Variants in ELAVL4 observed in about 807,000 individuals in gnomAD.
ELAVL4 encodes the protein ELAV-like protein 4.
In ELAVL4, 1 loss-of-function variant was observed where a neutral mutation model predicts 35.6. The observed-to-expected ratio is 0.03, with a 90% confidence interval of 0.01 to 0.13. The LOEUF is 0.13. Ranked by LOEUF, ELAVL4 falls within the 10% of genes least tolerant of loss-of-function variation. ELAVL4 has a pLI of 1.00. For synonymous variants in ELAVL4, 156 were observed against 171.0 expected (o/e 0.91, Z 0.69); for missense variants, 267 against 464.9 (o/e 0.57, Z 3.91).
intron 2 of ELAVL4, among the ~76,000 whole-genome samples, chr1:50,149,891 A>C (rs1328260805): frequency 1.3e-5 from 2 of 152,134 alleles, no homozygotes; most frequent in Non-Finnish European, 2.9e-5. Flanking sequence ...GAACATTATC[A>C]ATAACAAAAC....
At chr1:50,138,042 A>G (rs1672175094) in intron 1 of ELAVL4, among the ~76,000 whole-genome samples, 1 of 152,220 alleles carries the variant, frequency 6.6e-6, no homozygotes, top group African/African-American at 2.4e-5. Flanking sequence ...GACTCATTAA[A>G]TAGGGCTGAG....
chr1:50,194,067 G>A lies in ELAVL4; in HGVS notation c.508+149G>A, dbSNP rs958143625. On this transcript the variant is annotated intron_variant, in intron 4 of 6. Transcript: ENST00000371824. ...GACTTGGAAGAAAGACTTCTTATCG[G>A]TCAACTGCCCAAATTTAAAATGGGC... is the stretch of plus-strand genomic sequence containing the variant. The A allele has an allele frequency of 6.7e-6, 7 of 1,047,260 alleles. No individual in the cohort carries two copies. The African/African-American group carries it at 9.9e-5, about 15-fold the overall frequency. The allele number at this position is 1,047,260 out of a possible 1,614,324, so 64.9% of individuals were successfully genotyped here. A position where few individuals can be genotyped will look rare whatever the true frequency, so the allele number is the denominator to read the frequency against.
rs34633476 is a variant in ELAVL4, at chr1:50,070,740, C to CAA, written c.18+22577_18+22578dup. ...TGGGTGACAGAGTGAGACTCCATCT[C>CAA]AAAAAAAAAAAAAAAAAAAAGCCAC... On this transcript the variant is annotated intron_variant, in intron 1 of 6. Coordinates refer to the ELAVL4 transcript ENST00000448907. Among the ~76,000 whole-genome samples, 206 of 77,066 alleles carry CAA rather than the reference C, an allele frequency of 2.7e-3. 4 individuals carry two copies. Among genetic ancestry groups the CAA allele is most frequent in the African/African-American group, 8.4e-3 (177 of 21,010 alleles). The allele number at this position is 77,066 out of a possible 152,430, so 50.6% of individuals were successfully genotyped here.
chr1:50,102,968 A>C (rs887853843), upstream of ELAVL4, among the ~76,000 whole-genome samples: 6 of 152,162 alleles, frequency 3.9e-5, no homozygotes, highest in African/African-American at 1.4e-4. Context: ...CCTGTACTTC[A>C]AATTTTCTTT....
intron 1 of ELAVL4, among the ~76,000 whole-genome samples, chr1:50,094,635 A>T (rs552239719): frequency 6.6e-6 from 1 of 151,944 alleles, no homozygotes; most frequent in African/African-American, 2.4e-5. Context: ...GCTGGGTGTG[A>T]TGGCTCATGC....
chr1:50,078,243 C>T (rs903129159), intron 1 of ELAVL4, among the ~76,000 whole-genome samples: 1 of 151,912 alleles, frequency 6.6e-6, no homozygotes, highest in Non-Finnish European at 1.5e-5. Context: ...CTCATGCCTT[C>T]AGGCACCAGT....
At chr1:50,097,096 T>C (rs906485409) in intron 1 of ELAVL4, among the ~76,000 whole-genome samples, 1 of 152,088 alleles carries the variant, frequency 6.6e-6, no homozygotes, top group African/African-American at 2.4e-5. Flanking sequence ...GGAAAAGGCC[T>C]GTAGTCCCAG....
chr1:50,192,940 G>A (rs754217283), intron 3 of ELAVL4, among the ~76,000 whole-genome samples: 4 of 152,108 alleles, frequency 2.6e-5, no homozygotes, highest in African/African-American at 9.7e-5. Context: ...GTTAGCTTTT[G>A]GGGGGAAGAA....
chr1:50,073,055 G>C (rs1664602815), intron 1 of ELAVL4, among the ~76,000 whole-genome samples: 1 of 152,168 alleles, frequency 6.6e-6, no homozygotes, highest in Non-Finnish European at 1.5e-5. Flanking sequence ...TGTGGATGAT[G>C]CCCTAATGTA....
At chr1:50,048,783 G>C (rs1214296913) in intron 1 of ELAVL4, among the ~76,000 whole-genome samples, 2 of 152,200 alleles carry the variant, frequency 1.3e-5, no homozygotes, top group Non-Finnish European at 2.9e-5. Flanking sequence ...ACGAGATTGG[G>C]AAGGCGCGTG....
intron 2 of ELAVL4, among the ~76,000 whole-genome samples, chr1:50,146,858 T>C (rs1003757705): frequency 2.6e-5 from 4 of 152,136 alleles, no homozygotes; most frequent in African/African-American, 9.7e-5. Context: ...CTTTTCAGAA[T>C]TCCTTCAGAA....
At chr1:50,125,062 CA>C (rs1306915889) in intron 1 of ELAVL4, among the ~76,000 whole-genome samples, 1 of 151,722 alleles carries the variant, frequency 6.6e-6, no homozygotes, top group South Asian at 2.1e-4. Context: ...AGGAAGAAGA[CA>C]GAGAATAGAG....
intron 1 of ELAVL4, among the ~76,000 whole-genome samples, chr1:50,053,894 G>A (rs956503067): frequency 5.9e-5 from 9 of 152,204 alleles, no homozygotes; most frequent in Non-Finnish European, 1.5e-5. Flanking sequence ...CTTGAATACA[G>A]TAGGCCTCAC....
intron 1 of ELAVL4, among the ~76,000 whole-genome samples, chr1:50,080,093 C>CT (rs1664941120): frequency 1.3e-5 from 2 of 152,182 alleles, no homozygotes; most frequent in South Asian, 4.1e-4. Context: ...TCTTGACTGT[C>CT]TATCTATCTT....
chr1:50,055,453 C>G (rs569732650), intron 1 of ELAVL4, among the ~76,000 whole-genome samples: 11 of 152,000 alleles, frequency 7.2e-5, no homozygotes, highest in Admixed American at 5.9e-4. Flanking sequence ...GCGCCCGCCA[C>G]CACACCCAGC....
intron 2 of ELAVL4, among the ~76,000 whole-genome samples, chr1:50,158,433 G>T (rs528879584): frequency 1.3e-4 from 20 of 152,266 alleles, no homozygotes; most frequent in African/African-American, 4.1e-4. Flanking sequence ...GTCTGCATGT[G>T]TGTATGTGTG....
chr1:50,131,358 G>A (rs1572319037), intron 1 of ELAVL4, among the ~76,000 whole-genome samples: 1 of 152,172 alleles, frequency 6.6e-6, no homozygotes, highest in South Asian at 2.1e-4. Context: ...TAGTGAGTGT[G>A]ACCTTTCAAA....
At chr1:50,178,477 G>A (rs1455837957) in intron 3 of ELAVL4, among the ~76,000 whole-genome samples, 1 of 152,128 alleles carries the variant, frequency 6.6e-6, no homozygotes, top group African/African-American at 2.4e-5. Context: ...TTTTTAAGCA[G>A]CTTTACTTTT....
chr1:50,157,920 G>T (rs1676038616), intron 2 of ELAVL4, among the ~76,000 whole-genome samples: 1 of 152,144 alleles, frequency 6.6e-6, no homozygotes, highest in Non-Finnish European at 1.5e-5. Context: ...TGTATATATA[G>T]ATATGTGTAT....
Sources: gnomAD v4.1 joint callset for allele counts (sites outside exome capture counted in the v4.1 genomes callset) on GRCh38, gnomAD v4.1.1 for gene constraint, MANE v1.5 for transcripts, NCBI Gene and HGNC (gene_info 2026-07-23, HGNC 2026-07-21) for gene names.